The following IRAK1BP1 variants were observed in gnomAD, a reference collection of about 807,000 sequenced individuals.
IRAK1BP1 encodes interleukin-1 receptor-associated kinase 1-binding protein 1.
In IRAK1BP1, 24 loss-of-function variants were observed where a neutral mutation model predicts 28.0. The observed-to-expected ratio is 0.86, with a 90% confidence interval of 0.62 to 1.20. The LOEUF is 1.20. IRAK1BP1 is among the 50% of genes most tolerant of loss of function. The probability of loss-of-function intolerance (pLI) is 0.00; values close to 1 mark genes in which losing one functional copy is unlikely to be tolerated. For synonymous variants in IRAK1BP1, 131 were observed against 116.3 expected (o/e 1.13, Z -0.81); for missense variants, 336 against 316.7 (o/e 1.06, Z -0.46).
intron 4 of IRAK1BP1, chr6:78,937,059 T>TCC (rs1439933687): frequency 1.3e-5 from 2 of 151,738 alleles, no homozygotes; most frequent in Non-Finnish European, 3.0e-5. Context: ...TAAAACTACT[T>TCC]CCCCTATTAT....
the IRAK1BP1 span, among the ~76,000 whole-genome samples, chr6:78,965,470 T>C: frequency 1.3e-5 from 2 of 152,202 alleles, no homozygotes; most frequent in African/African-American, 2.4e-5. Context: ...AACAATTTCA[T>C]GTTTTGCTGT....
At position 78,896,529 on chromosome 6, in the gene IRAK1BP1, G is replaced by A. The variant is rs925997173; in HGVS notation, c.382-1300G>A. 5.3e-5 allele frequency among the ~76,000 whole-genome samples: 8 copies of A among 152,262 alleles called. No homozygotes were observed. The Middle Eastern group carries it at 0.014, about 259-fold the overall frequency. ...AAAAAGGCAAATCTTTAACAGTGGAGAATGTATCAGTAGTTGCCAGGGTTT... is the reference window on the plus strand; with the variant it reads ...AAAAAGGCAAATCTTTAACAGTGGAAAATGTATCAGTAGTTGCCAGGGTTT... On this transcript the variant is annotated intron_variant, in intron 2 of 3. Coordinates refer to ENST00000369940, the MANE Select transcript of IRAK1BP1 (RefSeq NM_001010844.4).
downstream of IRAK1BP1, chr6:78,903,126 A>G (rs553489221): frequency 5.4e-4 from 696 of 1,283,176 alleles, 4 homozygotes; most frequent in Middle Eastern, 0.012. Flanking sequence ...TTGGTTCATT[A>G]TAAGAGTGAG....
In IRAK1BP1 at chr6:78,882,127, A is replaced by ATG. The variant is rs541372487; in HGVS notation, c.316-3251_316-3250insTG. On this transcript the variant is annotated intron_variant, in intron 1 of 3. Coordinates refer to ENST00000369940, the MANE Select transcript of IRAK1BP1 (RefSeq NM_001010844.4). ...CAGCATTCAGATCTTGGTTCTACAT[A>ATG]AATCTCAAAGAAAAGGTACTATGCT... 6.4e-4 allele frequency among the ~76,000 whole-genome samples: 98 copies of ATG among 152,256 alleles called. 1 individual carries two copies. In the South Asian group the frequency reaches 8.1e-3, roughly 13 times the overall value.
At position 78,885,400 on chromosome 6, in the gene IRAK1BP1, A is replaced by C; in HGVS notation, c.338A>C (p.Lys113Thr). 3 of 1,583,124 alleles carry C rather than the reference A, an allele frequency of 1.9e-6. No homozygotes were observed. Among genetic ancestry groups the C allele is most frequent in the Non-Finnish European group, 1.7e-6 (2 of 1,157,786 alleles). ...GVQAENITVT[K>T]DFRRVENAYH... is the part of the protein sequence containing the mutation. ...CAGGCAGAAAATATAACTGTGACAAAGGATTTTAGGAGAGTGGAAAATGCT... is the reference window on the plus strand; with the variant it reads ...CAGGCAGAAAATATAACTGTGACAACGGATTTTAGGAGAGTGGAAAATGCT... The change falls in exon 2 of 4, where the codon AAG becomes ACG. Residue 113 changes from lysine to threonine, a missense_variant. By Grantham distance (78) the Lys-to-Thr change is moderately conservative. Coordinates refer to ENST00000369940, the MANE Select transcript of IRAK1BP1 (RefSeq NM_001010844.4).
In IRAK1BP1 at chr6:78,873,753, G is replaced by T. The variant is rs150899894; in HGVS notation, c.315+5862G>T. 5.6e-3 allele frequency among the ~76,000 whole-genome samples: 850 copies of T among 152,262 alleles called. 6 individuals carry two copies. The highest frequency in any genetic ancestry group is 0.02 in the African/African-American group (823 of 41,536). ...CCTGAAGCACTGGAATGCCAGGCATGAGCCACCACACCTAGCCTTATAGAA... is the reference window on the plus strand; with the variant it reads ...CCTGAAGCACTGGAATGCCAGGCATTAGCCACCACACCTAGCCTTATAGAA... On this transcript the variant is annotated intron_variant, in intron 1 of 3. Coordinates refer to ENST00000369940, the MANE Select transcript of IRAK1BP1 (RefSeq NM_001010844.4).
At chr6:78,963,181 G>A in the IRAK1BP1 span, 1 of 1,611,214 alleles carries the variant, frequency 6.2e-7, no homozygotes, top group East Asian at 2.2e-5. Context: ...CCATCAAGAG[G>A]TTTATAGATT....
intron 2 of IRAK1BP1, among the ~76,000 whole-genome samples, chr6:78,886,567 T>G (rs1410902778): frequency 6.6e-6 from 1 of 152,118 alleles, no homozygotes; most frequent in African/African-American, 2.4e-5. Flanking sequence ...GTTATAGCAC[T>G]CCTCCAGTAA....
At chr6:78,890,549 G>GAAC (rs976430739) in intron 2 of IRAK1BP1, among the ~76,000 whole-genome samples, 3 of 152,132 alleles carry the variant, frequency 2.0e-5, no homozygotes, top group African/African-American at 7.2e-5. Context: ...CCAGCGCAAT[G>GAAC]AACAACAACA....
chr6:78,949,696 T>G (rs9343855), downstream of IRAK1BP1, among the ~76,000 whole-genome samples: 50,809 of 151,622 alleles, frequency 0.34, 9,198 homozygotes, highest in Non-Finnish European at 0.41. Flanking sequence ...CTTTTTTTTT[T>G]TTGTTGTTAA....
At chr6:78,940,344 G>A (rs1773425616) in intron 4 of IRAK1BP1, 1 of 151,678 alleles carries the variant, frequency 6.6e-6, no homozygotes, top group African/African-American at 2.4e-5. Context: ...TGCTCCTAAA[G>A]AGTGTAGCAG....
At chr6:78,976,796 C>T in the IRAK1BP1 span, among the ~76,000 whole-genome samples, 1 of 145,188 alleles carries the variant, frequency 6.9e-6, no homozygotes, top group Non-Finnish European at 1.5e-5. Context: ...CACTGCCCAT[C>T]AGAGAAATGC....
downstream of IRAK1BP1, among the ~76,000 whole-genome samples, chr6:78,903,659 TAA>T (rs111662136): frequency 5.0e-5 from 7 of 141,372 alleles, no homozygotes; most frequent in African/African-American, 5.2e-5. Flanking sequence ...ATCCCTGAAT[TAA>T]AAAAAAAAAA....
At chr6:78,951,739 T>C in the IRAK1BP1 span, among the ~76,000 whole-genome samples, 4 of 152,366 alleles carry the variant, frequency 2.6e-5, no homozygotes, top group East Asian at 1.9e-4. Context: ...TGCATTCTTA[T>C]ATATTTCCCT....
downstream of IRAK1BP1, chr6:78,946,728 G>A (rs949647545): frequency 5.1e-6 from 8 of 1,576,014 alleles, no homozygotes; most frequent in Non-Finnish European, 6.0e-6. Flanking sequence ...CAGCACTACT[G>A]GAAACAGAGC....
chr6:78,957,245 T>A, the IRAK1BP1 span: 2 of 152,154 alleles, frequency 1.3e-5, no homozygotes, highest in South Asian at 4.1e-4. Flanking sequence ...TACTATCTCA[T>A]GTAGTTCTAC....
chr6:78,926,121 A>T (rs1170666589), intron 4 of IRAK1BP1, among the ~76,000 whole-genome samples: 1 of 152,186 alleles, frequency 6.6e-6, no homozygotes, highest in African/African-American at 2.4e-5. Flanking sequence ...TCACAATTAG[A>T]TAACATCTCA....
chr6:78,952,512 T>C, the IRAK1BP1 span, among the ~76,000 whole-genome samples: 1 of 151,944 alleles, frequency 6.6e-6, no homozygotes, highest in Non-Finnish European at 1.5e-5. Context: ...ATTCTGTCTA[T>C]TCTCTTCCAC....
chr6:78,951,791 C>A, the IRAK1BP1 span, among the ~76,000 whole-genome samples: 1 of 152,154 alleles, frequency 6.6e-6, no homozygotes, highest in Non-Finnish European at 1.5e-5. Context: ...TATAAAAATT[C>A]ATTTGCCTAT....
Sources: gnomAD v4.1 joint callset for allele counts (sites outside exome capture counted in the v4.1 genomes callset) on GRCh38, gnomAD v4.1.1 for gene constraint, MANE v1.5 for transcripts, NCBI Gene and HGNC (gene_info 2026-07-23, HGNC 2026-07-21) for gene names.